The following THRB variants were observed in gnomAD, a reference collection of about 807,000 sequenced individuals.
THRB encodes the protein nuclear receptor subfamily 1 group A member 2.
THRB carries 12 observed loss-of-function variants against 47.8 expected under a neutral mutation model. The observed-to-expected ratio is 0.25, with a 90% CI of 0.16 to 0.41. THRB has a LOEUF of 0.41. Ranked by LOEUF, THRB falls within the 10% of genes least tolerant of loss-of-function variation. The pLI, the probability that THRB is intolerant of heterozygous loss-of-function variation, is 1.00. For synonymous variants in THRB, 218 were observed against 212.2 expected, an observed-to-expected ratio of 1.03 and a Z score of -0.24; for missense variants, 348 against 589.2, an observed-to-expected ratio of 0.59 and a Z score of 4.24.
At chr3:24,227,242 C>T (rs1262469294) in intron 4 of THRB, among the ~76,000 whole-genome samples, 2 of 152,166 alleles carry the variant, frequency 1.3e-5, no homozygotes, top group South Asian at 2.1e-4. Flanking sequence ...CATTTTGCAG[C>T]GTGGCTACCT....
At chr3:24,300,739 A>G (rs1294378051) in intron 2 of THRB, among the ~76,000 whole-genome samples, 1 of 152,194 alleles carries the variant, frequency 6.6e-6, no homozygotes, top group African/African-American at 2.4e-5. Context: ...TTAAATCTGT[A>G]ATACATATAT....
chr3:24,447,413 G>A (rs1461492871), intron 1 of THRB, among the ~76,000 whole-genome samples: 2 of 152,164 alleles, frequency 1.3e-5, no homozygotes, highest in Non-Finnish European at 2.9e-5. Flanking sequence ...GTGAACCTAG[G>A]AGAGAACTTT....
chr3:24,366,889 C>T (rs977200301), intron 1 of THRB, among the ~76,000 whole-genome samples: 18 of 152,012 alleles, frequency 1.2e-4, no homozygotes, highest in Admixed American at 3.9e-4. Context: ...TCCCAAAGTG[C>T]TGAGATTACA....
At chr3:24,143,990 G>T in intron 7 of THRB, 1 of 488,234 alleles carries the variant, frequency 2.0e-6, no homozygotes, top group Non-Finnish European at 3.7e-6. Flanking sequence ...CACAGAAGGT[G>T]GTTCTAAAAC....
intron 1 of THRB, among the ~76,000 whole-genome samples, chr3:24,477,692 C>T (rs551620205): frequency 2.0e-5 from 3 of 152,042 alleles, no homozygotes; most frequent in East Asian, 1.9e-4. Flanking sequence ...AGGGTCCTAA[C>T]GCAGGATACG....
chr3:24,305,693 A>G (rs147931022), intron 2 of THRB, among the ~76,000 whole-genome samples: 2 of 152,362 alleles, frequency 1.3e-5, no homozygotes, highest in East Asian at 3.9e-4. Flanking sequence ...GCTTCACACC[A>G]CAAATTTCAG....
chr3:24,249,414 C>A (rs1319144320), intron 3 of THRB, among the ~76,000 whole-genome samples: 1 of 152,048 alleles, frequency 6.6e-6, no homozygotes, highest in Non-Finnish European at 1.5e-5. Context: ...TTAAACCAAC[C>A]CTTGTTCTCT....
At position 24,212,885 on chromosome 3, in the gene THRB, A is replaced by G. The variant is rs551880906; in HGVS notation, c.22+16053T>C. ...CTCAAGATTAAGGCAGCAGCTGACTATTTAGGATTAAATAATATTGAGCCA... is the reference window on the plus strand; with the variant it reads ...CTCAAGATTAAGGCAGCAGCTGACTGTTTAGGATTAAATAATATTGAGCCA... On this transcript the variant is annotated intron_variant, in intron 4 of 10. Transcript: ENST00000646209. Among the ~76,000 whole-genome samples, 46 of 152,306 alleles carry G rather than the reference A, an allele frequency of 3.0e-4. 1 individual carries two copies. In the South Asian group the frequency reaches 9.3e-3, roughly 31 times the overall value.
intron 1 of THRB, among the ~76,000 whole-genome samples, chr3:24,479,174 C>T (rs561182783): frequency 4.6e-5 from 7 of 152,082 alleles, no homozygotes; most frequent in South Asian, 2.1e-4. Flanking sequence ...TGGTGGTGGG[C>T]GCCTGTAGTC....
intron 1 of THRB, among the ~76,000 whole-genome samples, chr3:24,352,754 C>T (rs1009623760): frequency 9.9e-5 from 15 of 152,050 alleles, no homozygotes; most frequent in Admixed American, 7.2e-4. Flanking sequence ...TACACATATA[C>T]TACATATCCA....
chr3:24,454,657 T>C (rs1381396305), intron 1 of THRB, among the ~76,000 whole-genome samples: 1 of 152,222 alleles, frequency 6.6e-6, no homozygotes, highest in African/African-American at 2.4e-5. Context: ...AGATAAGTTT[T>C]AGATGAAACT....
At chr3:24,409,147 C>T (rs2068072788) in intron 1 of THRB, among the ~76,000 whole-genome samples, 1 of 151,722 alleles carries the variant, frequency 6.6e-6, no homozygotes, top group African/African-American at 2.4e-5. Flanking sequence ...CCCGAAATGT[C>T]ATAGGGAGTG....
chr3:24,212,263 TG>T (rs1161273247), intron 4 of THRB, among the ~76,000 whole-genome samples: 1 of 152,076 alleles, frequency 6.6e-6, no homozygotes, highest in Non-Finnish European at 1.5e-5. Context: ...CTAGGCTTGG[TG>T]GCAGGTGCCT....
intron 1 of THRB, among the ~76,000 whole-genome samples, chr3:24,396,967 T>C (rs1271259385): frequency 2.0e-5 from 3 of 152,140 alleles, no homozygotes; most frequent in Non-Finnish European, 4.4e-5. Flanking sequence ...GTTCTTTTTT[T>C]GCTATTCTTA....
intron 8 of THRB, 85 bp from the exon 9 acceptor site, chr3:24,133,547 T>G: frequency 7.3e-6 from 9 of 1,235,984 alleles, no homozygotes; most frequent in Non-Finnish European, 1.1e-5. Context: ...AGAAAATCTC[T>G]TCTGAACTGA....
intron 1 of THRB, among the ~76,000 whole-genome samples, chr3:24,432,186 T>C (rs2070497848): frequency 6.6e-6 from 1 of 152,050 alleles, no homozygotes; most frequent in African/African-American, 2.4e-5. Context: ...CATTTATTCA[T>C]ACATAAAACA....
At chr3:24,347,101 T>G (rs2063067029) in intron 1 of THRB, among the ~76,000 whole-genome samples, 1 of 151,876 alleles carries the variant, frequency 6.6e-6, no homozygotes, top group Non-Finnish European at 1.5e-5. Context: ...TAACTAAAAA[T>G]TACACAAATA....
At position 24,122,913 on chromosome 3, in the gene THRB, G is replaced by C. The variant is rs28933408; in HGVS notation, c.1357C>G (p.Pro453Ala). Residue 453 changes from proline to alanine, a missense_variant, in exon 11 of 11, where the codon CCT becomes GCT. By Grantham distance (27) the Pro-to-Ala change is conservative. Coordinates refer to ENST00000646209, the MANE Select transcript of THRB (RefSeq NM_001354712.2). ...KVECPTELFP[P>A]LFLEVFED ...TCCTCGAACACTTCCAAGAACAAAG[G>C]GGGGAAGAGTTCTGTGGGGCATTCC... The C allele has an allele frequency of 5.0e-6, 8 of 1,614,162 alleles. No homozygotes were observed. The highest frequency in any genetic ancestry group is 2.2e-5 in the East Asian group (1 of 44,896).
intron 8 of THRB, among the ~76,000 whole-genome samples, chr3:24,135,487 A>C (rs1331676678): frequency 1.3e-5 from 2 of 151,954 alleles, no homozygotes; most frequent in Non-Finnish European, 2.9e-5. Context: ...AATGATTGAG[A>C]ATGTTTTGGG....
Sources: gnomAD v4.1 joint callset for allele counts (sites outside exome capture counted in the v4.1 genomes callset) on GRCh38, gnomAD v4.1.1 for gene constraint, MANE v1.5 for transcripts, NCBI Gene and HGNC (gene_info 2026-07-23, HGNC 2026-07-21) for gene names.